Variants in TNRC6B observed in about 807,000 individuals in gnomAD.
TNRC6B encodes the protein trinucleotide repeat containing adaptor 6B.
TNRC6B carries 52 observed loss-of-function variants against 203.6 expected under a neutral mutation model. The ratio of observed to expected loss-of-function variants is 0.26; its 90% CI spans 0.20 to 0.32. TNRC6B has a LOEUF of 0.32. TNRC6B is among the 10% of genes least tolerant of loss of function. The pLI is 1.00. For synonymous variants in TNRC6B, 838 were observed against 845.7 expected, an observed-to-expected ratio of 0.99 and a Z score of 0.16; for missense variants, 1,923 against 2,286.2, an observed-to-expected ratio of 0.84 and a Z score of 3.24.
chr22:40,308,138 C>T (rs186357874), intron 15 of TNRC6B, among the ~76,000 whole-genome samples: 17 of 152,278 alleles, frequency 1.1e-4, no homozygotes, highest in Non-Finnish European at 2.2e-4. Flanking sequence ...CCCAAGATAC[C>T]CTGACTACAG....
intron 17 of TNRC6B, 143 bp downstream of exon 17, chr22:40,311,136 A>C: frequency 9.9e-7 from 1 of 1,008,188 alleles, no homozygotes; most frequent in Non-Finnish European, 1.4e-6. Flanking sequence ...TGTTAGAAGC[A>C]AGGCATGTGC....
intron 17 of TNRC6B, among the ~76,000 whole-genome samples, chr22:40,311,705 C>T (rs1156338096): frequency 2.0e-5 from 3 of 152,142 alleles, no homozygotes; most frequent in Non-Finnish European, 2.9e-5. Context: ...CCACGCCTGG[C>T]TAATTTTTTG....
intron 1 of TNRC6B, among the ~76,000 whole-genome samples, chr22:40,111,317 C>T (rs1349655223): frequency 6.6e-6 from 1 of 152,012 alleles, no homozygotes; most frequent in African/African-American, 2.4e-5. Context: ...GACCAGGCCT[C>T]GCCGACCGCA....
chr22:40,125,932 G>C, intron 3 of TNRC6B: 1 of 1,425,442 alleles, frequency 7.0e-7, no homozygotes, highest in Admixed American at 2.5e-5. Flanking sequence ...GAGTAGAATG[G>C]GTATTTCATT....
chr22:40,321,259 C>T (rs373703403), intron 22 of TNRC6B, 30 bp downstream of exon 22: 1 of 1,607,152 alleles, frequency 6.2e-7, no homozygotes, highest in African/African-American at 1.3e-5. Context: ...CCCACGTAGA[C>T]AAACATGCAT....
chr22:40,306,183 C>A (rs1010234969), intron 15 of TNRC6B, among the ~76,000 whole-genome samples: 1 of 152,098 alleles, frequency 6.6e-6, no homozygotes, highest in African/African-American at 2.4e-5. Context: ...GTCCCAGCTG[C>A]TCGGGAGGCT....
intron 22 of TNRC6B, among the ~76,000 whole-genome samples, chr22:40,321,977 G>A (rs1303995003): frequency 2.6e-5 from 4 of 152,082 alleles, no homozygotes; most frequent in African/African-American, 7.2e-5. Context: ...ACTGGTGGAC[G>A]GAGAAGACCT....
chr22:40,189,587 G>C (rs1465052187), intron 1 of TNRC6B, among the ~76,000 whole-genome samples: 1 of 152,084 alleles, frequency 6.6e-6, no homozygotes, highest in Non-Finnish European at 1.5e-5. Flanking sequence ...CGTCTTTAGG[G>C]TGGGAATGTG....
chr22:40,288,524 G>A (rs2146531582), intron 12 of TNRC6B, among the ~76,000 whole-genome samples: 1 of 151,620 alleles, frequency 6.6e-6, no homozygotes, highest in Admixed American at 6.6e-5. Context: ...GGACCACATA[G>A]TAAAACCCCA....
intron 12 of TNRC6B, among the ~76,000 whole-genome samples, chr22:40,291,903 G>T (rs1476432472): frequency 1.3e-5 from 2 of 152,176 alleles, no homozygotes; most frequent in Non-Finnish European, 2.9e-5. Flanking sequence ...AAACATAGAA[G>T]ATACTGAGGC....
chr22:40,195,168 T>C (rs1247082607), intron 1 of TNRC6B, among the ~76,000 whole-genome samples: 1 of 152,212 alleles, frequency 6.6e-6, no homozygotes, highest in Non-Finnish European at 1.5e-5. Context: ...CTTGAGGCAA[T>C]TTGGAAGGAT....
intron 12 of TNRC6B, among the ~76,000 whole-genome samples, chr22:40,292,715 T>C (rs957546333): frequency 6.6e-6 from 1 of 152,192 alleles, no homozygotes. Flanking sequence ...CTAGTGGCGC[T>C]TTTCCCTGGT....
intron 1 of TNRC6B, among the ~76,000 whole-genome samples, chr22:40,074,069 C>CAA (rs34190410): frequency 1.0e-5 from 1 of 95,512 alleles, no homozygotes. Context: ...AACTCCATCT[C>CAA]AAAAAAAAAA....
intron 12 of TNRC6B, among the ~76,000 whole-genome samples, chr22:40,291,340 A>T (rs1317072792): frequency 2.0e-5 from 3 of 152,084 alleles, no homozygotes; most frequent in Non-Finnish European, 4.4e-5. Context: ...AGCCATGGTG[A>T]CACCGCTGCA....
chr22:40,273,998 T>TCC (rs1032991717), intron 7 of TNRC6B, among the ~76,000 whole-genome samples: 1 of 152,110 alleles, frequency 6.6e-6, no homozygotes, highest in African/African-American at 2.4e-5. Flanking sequence ...GTCCTCAAGG[T>TCC]CCTAAGTAAG....
At chr22:40,296,481 G>C (rs903182993) in intron 12 of TNRC6B, among the ~76,000 whole-genome samples, 1 of 151,800 alleles carries the variant, frequency 6.6e-6, no homozygotes, top group Non-Finnish European at 1.5e-5. Context: ...ACAGGCGCCC[G>C]CCATCACTCC....
At chr22:40,243,808 C>T (rs1711993266) in intron 1 of TNRC6B, among the ~76,000 whole-genome samples, 1 of 152,166 alleles carries the variant, frequency 6.6e-6, no homozygotes, top group Non-Finnish European at 1.5e-5. Flanking sequence ...CAGTCTCGAG[C>T]TCCTGACCTC....
Position 40,292,011 on chromosome 22 carries a change from G to A in TNRC6B, c.3708+6241G>A, listed in dbSNP as rs547092920. ...AGTTTGGGACCAGCCTGGCCAACAT[G>A]CTGAAACCCCATTTCTACTAAAAAT... On this transcript the variant is annotated intron_variant, in intron 12 of 22. Transcript: ENST00000454349. Among the ~76,000 whole-genome samples the A allele has an allele frequency of 6.6e-5, 10 of 152,332 alleles. No homozygotes were observed. The South Asian group carries it at 2.1e-3, about 32-fold the overall frequency.
rs184245965 is a variant in TNRC6B, at chr22:40,301,838, A to T, written c.4120+505A>T. 2.0e-3 allele frequency among the ~76,000 whole-genome samples: 298 copies of T among 152,320 alleles called. 3 individuals carry two copies. In the Middle Eastern group the frequency reaches 0.024, roughly 12 times the overall value. ...AATCTGAAACTTTTTGATCACCAGC[A>T]TGAAGCCAGCAGTCTTTCAATACGT... On this transcript the variant is annotated intron_variant, in intron 15 of 22. Transcript: ENST00000454349.
Sources: gnomAD v4.1 joint callset for allele counts (sites outside exome capture counted in the v4.1 genomes callset) on GRCh38, gnomAD v4.1.1 for gene constraint, MANE v1.5 for transcripts, NCBI Gene and HGNC (gene_info 2026-07-23, HGNC 2026-07-21) for gene names.